Variants in EYS observed in about 807,000 individuals in gnomAD.
EYS encodes EGF-like photoreceptor maintenance factor, also known as protein eyes shut homolog.
In EYS, 250 loss-of-function variants were observed where a neutral mutation model predicts 282.1. That is an observed-to-expected ratio of 0.89 (90% CI 0.80 to 0.98). The LOEUF (loss-of-function observed/expected upper bound fraction) is 0.98. Among genes scored for constraint, EYS ranks in the 50% least tolerant of loss-of-function variants. The pLI, the probability that EYS is intolerant of heterozygous loss-of-function variation, is 0.00. For synonymous variants in EYS, 1,355 were observed against 1,282.9 expected, an observed-to-expected ratio of 1.06 and a Z score of -1.20; for missense variants, 4,016 against 3,709.0, an observed-to-expected ratio of 1.08 and a Z score of -2.15.
intron 1 of EYS, among the ~76,000 whole-genome samples, chr6:65,658,208 T>C (rs1353533356): frequency 6.6e-6 from 1 of 151,650 alleles, no homozygotes; most frequent in Non-Finnish European, 1.5e-5. Flanking sequence ...GCAAGGAAAG[T>C]CTGAGAAACT....
At chr6:64,553,747 C>G (rs993417828) in intron 26 of EYS, among the ~76,000 whole-genome samples, 1 of 152,008 alleles carries the variant, frequency 6.6e-6, no homozygotes. Context: ...AAGAAAATTA[C>G]AGCTTTGTAA....
At chr6:63,891,114 A>C (rs1054923494) in intron 35 of EYS, among the ~76,000 whole-genome samples, 1 of 152,220 alleles carries the variant, frequency 6.6e-6, no homozygotes, top group East Asian at 1.9e-4. Context: ...CTGACAAAAA[A>C]GTACCCAGGA....
chr6:64,586,539 T>C (rs538290952), intron 26 of EYS, among the ~76,000 whole-genome samples: 1 of 152,072 alleles, frequency 6.6e-6, no homozygotes, highest in Non-Finnish European at 1.5e-5. Context: ...TTAGGAAATA[T>C]TAATAGATGC....
chr6:64,898,445 T>G (rs1767545410), intron 18 of EYS, among the ~76,000 whole-genome samples: 1 of 152,102 alleles, frequency 6.6e-6, no homozygotes, highest in East Asian at 1.9e-4. Context: ...CAACGGCTCC[T>G]GAAGGAGGCA....
At chr6:64,215,698 A>G (rs1449733595) in intron 31 of EYS, among the ~76,000 whole-genome samples, 3 of 152,114 alleles carry the variant, frequency 2.0e-5, no homozygotes, top group Admixed American at 6.6e-5. Flanking sequence ...TTTTTTTTCT[A>G]TATCCCAGAT....
intron 2 of EYS, among the ~76,000 whole-genome samples, chr6:65,605,926 CTTTCCTTTTATACA>C (rs1343604155): frequency 6.6e-6 from 1 of 151,536 alleles, no homozygotes; most frequent in Non-Finnish European, 1.5e-5. Flanking sequence ...TCAATGTTTA[CTTTCCTTTTATACA>C]TTTCCTTTTA....
At chr6:64,343,373 C>A (rs1771217503) in intron 29 of EYS, among the ~76,000 whole-genome samples, 1 of 151,988 alleles carries the variant, frequency 6.6e-6, no homozygotes, top group African/African-American at 2.4e-5. Flanking sequence ...GACCACAGTG[C>A]AATCAAACTA....
chr6:65,519,780 C>A (rs2127297694), intron 2 of EYS, among the ~76,000 whole-genome samples: 1 of 128,404 alleles, frequency 7.8e-6, no homozygotes, highest in African/African-American at 3.0e-5. Flanking sequence ...TAGTGGAGTG[C>A]TCACAGTTCA....
chr6:65,433,842 GC>G (rs201139394), intron 5 of EYS, among the ~76,000 whole-genome samples: 1 of 151,428 alleles, frequency 6.6e-6, no homozygotes, highest in Non-Finnish European at 1.5e-5. Context: ...CTTTCTTTTG[GC>G]CCAGAGGAAA....
chr6:63,746,037 C>T (rs999049761), intron 41 of EYS, among the ~76,000 whole-genome samples: 13 of 152,188 alleles, frequency 8.5e-5, no homozygotes, highest in Admixed American at 6.5e-5. Context: ...AGCCTCCAGA[C>T]TGTGAGAAAT....
intron 24 of EYS, among the ~76,000 whole-genome samples, chr6:64,614,090 C>T (rs550902713): frequency 6.6e-6 from 1 of 152,176 alleles, no homozygotes; most frequent in East Asian, 1.9e-4. Flanking sequence ...GGCTTACCCT[C>T]TCCCTACACC....
chr6:65,356,413 C>G (rs564682676), intron 8 of EYS, among the ~76,000 whole-genome samples: 9 of 151,892 alleles, frequency 5.9e-5, no homozygotes, highest in Non-Finnish European at 1.2e-4. Context: ...CTGTAACAAC[C>G]TTGAGAGAGA....
At chr6:64,018,302 T>A (rs537221866) in intron 33 of EYS, among the ~76,000 whole-genome samples, 16 of 152,344 alleles carry the variant, frequency 1.1e-4, no homozygotes, top group African/African-American at 3.8e-4. Context: ...AGTATAAACC[T>A]CAGATTGGAT....
intron 12 of EYS, among the ~76,000 whole-genome samples, chr6:65,134,546 T>C (rs901775484): frequency 3.9e-5 from 6 of 152,044 alleles, no homozygotes; most frequent in African/African-American, 1.4e-4. Context: ...AGCCAAATGA[T>C]GAGAACTCTT....
At chr6:65,491,611 A>G (rs1582371553) in intron 4 of EYS, 1 of 408,368 alleles carries the variant, frequency 2.4e-6, no homozygotes, top group South Asian at 1.9e-5. Context: ...GAAAATATAA[A>G]TAATGAAAAT....
chr6:64,868,880 C>T (rs1461985884), intron 19 of EYS, among the ~76,000 whole-genome samples: 1 of 151,504 alleles, frequency 6.6e-6, no homozygotes, highest in African/African-American at 2.4e-5. Flanking sequence ...AACGGACTTG[C>T]ACGAGACTTT....
At chr6:64,170,930 T>G (rs9444618) in intron 31 of EYS, among the ~76,000 whole-genome samples, 2 of 151,904 alleles carry the variant, frequency 1.3e-5, no homozygotes, top group African/African-American at 4.8e-5. Flanking sequence ...TATGACATAC[T>G]GAAACAATGG....
At chr6:63,833,929 T>A (rs1291986158) in intron 36 of EYS, among the ~76,000 whole-genome samples, 1 of 152,172 alleles carries the variant, frequency 6.6e-6, no homozygotes, top group Non-Finnish European at 1.5e-5. Flanking sequence ...ATCTGATCTT[T>A]GACAAATCTG....
At chr6:64,246,079 A>G (rs1767010324) in intron 30 of EYS, among the ~76,000 whole-genome samples, 1 of 145,762 alleles carries the variant, frequency 6.9e-6, no homozygotes, top group East Asian at 2.1e-4. Context: ...GGTTTTGTCC[A>G]TTAACCTCCA....
Sources: gnomAD v4.1 joint callset for allele counts (sites outside exome capture counted in the v4.1 genomes callset) on GRCh38, gnomAD v4.1.1 for gene constraint, MANE v1.5 for transcripts, NCBI Gene and HGNC (gene_info 2026-07-23, HGNC 2026-07-21) for gene names.